The following RELN variants were observed in gnomAD, a reference collection of about 807,000 sequenced individuals.
RELN encodes the protein reelin.
Under a neutral mutation model 427.6 loss-of-function variants are expected in RELN, and 108 were observed. The ratio of observed to expected loss-of-function variants is 0.25; its 90% CI spans 0.22 to 0.30. The LOEUF (loss-of-function observed/expected upper bound fraction) is 0.30. Among genes scored for constraint, RELN ranks in the 10% least tolerant of loss-of-function variants. RELN has a pLI of 1.00. For missense variants in RELN, 3,715 were observed against 4,302.8 expected (o/e 0.86, Z 3.82); for synonymous variants, 1,524 against 1,513.4 (o/e 1.01, Z -0.16).
At chr7:103,654,533 G>T (rs1832986489) in intron 12 of RELN, among the ~76,000 whole-genome samples, 1 of 151,972 alleles carries the variant, frequency 6.6e-6, no homozygotes. Context: ...TTAATAAACT[G>T]TTATTTCCTT....
intron 2 of RELN, among the ~76,000 whole-genome samples, chr7:103,882,316 TAA>T (rs1563068900): frequency 6.6e-6 from 1 of 152,138 alleles, no homozygotes; most frequent in Non-Finnish European, 1.5e-5. Flanking sequence ...CTACAAACCC[TAA>T]AACCAGGGCC....
At chr7:103,820,011 T>C (rs1156240681) in intron 3 of RELN, among the ~76,000 whole-genome samples, 1 of 151,992 alleles carries the variant, frequency 6.6e-6, no homozygotes, top group Non-Finnish European at 1.5e-5. Context: ...ATAATATAGA[T>C]TTAATTGTTC....
chr7:103,695,017 T>A (rs1267876292), intron 10 of RELN, among the ~76,000 whole-genome samples: 1 of 151,876 alleles, frequency 6.6e-6, no homozygotes, highest in East Asian at 2.0e-4. Flanking sequence ...CTCCAAAAAC[T>A]AAAAGTCCAA....
chr7:103,883,788 C>G (rs1251737905), intron 2 of RELN, among the ~76,000 whole-genome samples: 1 of 152,172 alleles, frequency 6.6e-6, no homozygotes, highest in Non-Finnish European at 1.5e-5. Flanking sequence ...AGAGAGGACA[C>G]AAACAAATGG....
At position 103,953,326 on chromosome 7, in the gene RELN, C is replaced by T. The variant is rs925151754; in HGVS notation, c.226+35805G>A. Among the ~76,000 whole-genome samples, 2 of 152,300 alleles carry T rather than the reference C, an allele frequency of 1.3e-5. No homozygotes were observed. Among genetic ancestry groups the T allele is most frequent in the Non-Finnish European group, 2.9e-5 (2 of 68,016 alleles). On this transcript the variant is annotated intron_variant, in intron 1 of 64. Transcript: ENST00000428762. This position sits in a 1 kb window ranked among gnomAD's most constrained non-coding sequence, Gnocchi z 4.3. ...GGGTTATTGTTTTATCATTTGGTTT[C>T]GGATCCACATTCATAGCGTATTGCA... is the stretch of plus-strand genomic sequence containing the variant.
chr7:103,595,283 T>A (rs148254266), intron 25 of RELN, among the ~76,000 whole-genome samples: 1 of 152,310 alleles, frequency 6.6e-6, no homozygotes, highest in African/African-American at 2.4e-5. Flanking sequence ...TTGGCACCAT[T>A]ATCAATTCCC....
chr7:103,897,997 T>G (rs1349385933), intron 2 of RELN, among the ~76,000 whole-genome samples: 3 of 152,148 alleles, frequency 2.0e-5, no homozygotes, highest in African/African-American at 7.2e-5. Context: ...AATTAGTTAT[T>G]CATAGAAAAT....
chr7:103,529,392 CTG>C (rs995605646), intron 46 of RELN, among the ~76,000 whole-genome samples: 4 of 151,600 alleles, frequency 2.6e-5, no homozygotes, highest in Admixed American at 2.6e-4. Flanking sequence ...AATCTTCAAA[CTG>C]TGACTTAAAA....
Position 103,557,078 on chromosome 7 carries a change from T to C in RELN, c.5696A>G (p.Tyr1899Cys). 6.2e-7 allele frequency: 1 copy of C among 1,613,484 alleles called. No individual in the cohort carries two copies. The highest frequency in any genetic ancestry group is 8.5e-7 in the Non-Finnish European group (1 of 1,179,376). The stretch of plus-strand genomic sequence containing the variant: ...AAGTATATTCGTTGTTTGAGGAAAG[T>C]AAAATTCATCCATCAGGTGCCAAGT... ...GITWHLMDEF[Y>C]FPQTTNILFI... Residue 1899 changes from tyrosine to cysteine, a missense_variant, in exon 38 of 65, where the codon TAC becomes TGC. Physicochemically the swap from Tyr to Cys is radical, Grantham distance 194. Around this residue, in one of 4 missense-constraint regions of RELN, gnomAD observed 2,208 missense variants for 2,361.7 expected, o/e 0.93. Transcript: ENST00000428762.
At chr7:103,727,633 A>C (rs1790245455) in intron 7 of RELN, among the ~76,000 whole-genome samples, 1 of 152,132 alleles carries the variant, frequency 6.6e-6, no homozygotes, top group Non-Finnish European at 1.5e-5. Flanking sequence ...TTTTTAAAAA[A>C]CTGGTTTATT....
At chr7:103,949,703 A>G (rs1257972088) in intron 1 of RELN, among the ~76,000 whole-genome samples, 3 of 152,218 alleles carry the variant, frequency 2.0e-5, no homozygotes, top group African/African-American at 7.2e-5. Context: ...AGGAAAAGAG[A>G]TAATGATATC....
Position 103,542,751 on chromosome 7 carries a change from G to A in RELN, c.6651C>T (p.Asp2217=), listed in dbSNP as rs1830200952. The A allele has an allele frequency of 3.1e-6, 5 of 1,613,878 alleles. No homozygotes were observed. Among genetic ancestry groups the A allele is most frequent in the African/African-American group, 1.3e-5 (1 of 74,878 alleles). Residue 2217 remains aspartate (D), a synonymous_variant, in exon 43 of 65, where the codon GAC becomes GAT. Transcript: ENST00000428762. The part of the protein sequence containing the change: ...EDGLRMLMTR[D]LDLSHARFVQ... ...ATTACCTAGCATGTGATAAATCCAG[G>A]TCTCGTGTCATCAACATGCGCAAGC... is the stretch of plus-strand genomic sequence containing the variant.
At chr7:103,817,746 A>G (rs975707093) in intron 3 of RELN, among the ~76,000 whole-genome samples, 22 of 152,050 alleles carry the variant, frequency 1.4e-4, no homozygotes, top group African/African-American at 4.8e-4. Flanking sequence ...CAGGAGTTTG[A>G]GGCAAGCCTG....
Position 103,954,723 on chromosome 7 carries a change from C to A in RELN, c.226+34408G>T, listed in dbSNP as rs530814296. 1.2e-4 allele frequency among the ~76,000 whole-genome samples: 18 copies of A among 152,256 alleles called. 1 individual carries two copies. The highest frequency in any genetic ancestry group is 4.1e-4 in the African/African-American group (17 of 41,554). ...GAAAGAGATATTATAATTAGGTTAT[C>A]AAAGTGCTTAAATTTGGATAGGCAA... On this transcript the variant is annotated intron_variant, in intron 1 of 64. Coordinates refer to ENST00000428762, the MANE Select transcript of RELN (RefSeq NM_005045.4).
chr7:103,614,870 C>T (rs1311047535), intron 20 of RELN, among the ~76,000 whole-genome samples: 1 of 152,138 alleles, frequency 6.6e-6, no homozygotes, highest in Non-Finnish European at 1.5e-5. Flanking sequence ...TAGCGTTAGT[C>T]TACTTGATTG....
chr7:103,733,166 G>A (rs1394742091), intron 6 of RELN, among the ~76,000 whole-genome samples: 3 of 152,188 alleles, frequency 2.0e-5, no homozygotes, highest in African/African-American at 7.2e-5. Flanking sequence ...AGACATTTAT[G>A]CAGCTAAAAA....
At chr7:103,895,037 A>G (rs1170360339) in intron 2 of RELN, among the ~76,000 whole-genome samples, 1 of 152,106 alleles carries the variant, frequency 6.6e-6, no homozygotes, top group East Asian at 1.9e-4. Context: ...TTTCTTGACT[A>G]AAATCAACTT....
Position 103,797,324 on chromosome 7 carries a change from C to T in RELN, c.474-20697G>A, listed in dbSNP as rs568593051. Reference sequence around the variant, plus strand: ...TTTCACCATGTTGGCTAGGCGGTCTCGAACTCCCAACCTCAGGTGATCCAC... The same window carrying T: ...TTTCACCATGTTGGCTAGGCGGTCTTGAACTCCCAACCTCAGGTGATCCAC... On this transcript the variant is annotated intron_variant, in intron 3 of 64. Coordinates refer to ENST00000428762, the MANE Select transcript of RELN (RefSeq NM_005045.4). Among the ~76,000 whole-genome samples the T allele has an allele frequency of 4.3e-4, 66 of 152,212 alleles. 1 individual carries two copies. The highest frequency in any genetic ancestry group is 1.5e-3 in the African/African-American group (63 of 41,536).
intron 27 of RELN, among the ~76,000 whole-genome samples, chr7:103,591,962 A>T (rs1426000760): frequency 2.0e-5 from 3 of 152,084 alleles, no homozygotes; most frequent in African/African-American, 7.2e-5. Flanking sequence ...GAAAATAAAA[A>T]TTCTCCCTGA....
Sources: allele counts gnomAD v4.1 joint callset (sites outside exome capture counted in the v4.1 genomes callset), GRCh38; gene constraint gnomAD v4.1.1; regional missense constraint gnomAD v4.1.1; non-coding constraint Gnocchi (gnomAD v3.1); transcripts MANE v1.5; gene names NCBI Gene and HGNC (gene_info 2026-07-23, HGNC 2026-07-21).